The following RAI14 variants were observed in gnomAD, a reference collection of about 807,000 sequenced individuals.
The protein encoded by RAI14 is retinoic acid induced 14.
A neutral mutation model predicts 115.4 loss-of-function variants in RAI14; 45 were observed. That is an observed-to-expected ratio of 0.39 (90% confidence interval 0.31 to 0.50). RAI14 has a LOEUF of 0.50. RAI14 is among the 20% of genes least tolerant of loss of function. RAI14 has a pLI of 0.85. For synonymous variants in RAI14, 371 were observed against 415.4 expected (o/e 0.89, Z 1.30); for missense variants, 939 against 1,131.2 (o/e 0.83, Z 2.44).
chr5:34,678,160 C>T lies in RAI14; in HGVS notation c.-48-8712C>T, dbSNP rs541627078. On this transcript the variant is annotated intron_variant, in intron 1 of 17. Coordinates refer to ENST00000265109, the MANE Select transcript of RAI14 (RefSeq NM_015577.3). Reference sequence around the variant, plus strand: ...TCACCCTGCCTGGAGTGCAGTGGCACGATCTTGGCTCACCGCAACCTCCAC... The same window carrying T: ...TCACCCTGCCTGGAGTGCAGTGGCATGATCTTGGCTCACCGCAACCTCCAC... 7.9e-5 allele frequency among the ~76,000 whole-genome samples: 12 copies of T among 151,728 alleles called. No homozygotes were observed. In the East Asian group the frequency reaches 9.7e-4, roughly 12 times the overall value.
intron 2 of RAI14, among the ~76,000 whole-genome samples, chr5:34,746,937 G>T (rs139955175): frequency 0.015 from 2,248 of 152,104 alleles, 18 homozygotes; most frequent in Non-Finnish European, 0.025. Flanking sequence ...AGATCTAATG[G>T]GTTTATCAGG....
At chr5:34,727,454 A>T (rs1484091436) in intron 2 of RAI14, among the ~76,000 whole-genome samples, 1 of 152,218 alleles carries the variant, frequency 6.6e-6, no homozygotes, top group African/African-American at 2.4e-5. Context: ...CCGAATGTTA[A>T]TCACCAAGTC....
intron 1 of RAI14, chr5:34,656,710 T>C (rs991022100): frequency 6.6e-6 from 1 of 152,042 alleles, no homozygotes. Context: ...GAGATGAGGG[T>C]AGAGCGGGAA....
At chr5:34,764,185 T>C (rs1175720224) in intron 3 of RAI14, among the ~76,000 whole-genome samples, 2 of 152,150 alleles carry the variant, frequency 1.3e-5, no homozygotes, top group Non-Finnish European at 2.9e-5. Context: ...AATGACACCA[T>C]GGCCATGCTT....
chr5:34,786,082 G>T (rs1047512584), intron 3 of RAI14, among the ~76,000 whole-genome samples: 3 of 152,248 alleles, frequency 2.0e-5, no homozygotes, highest in African/African-American at 7.2e-5. Context: ...GCAGGGGACA[G>T]ACATTGTAAG....
At chr5:34,829,178 T>TACACACACACACATAC (rs144038064) in intron 16 of RAI14, among the ~76,000 whole-genome samples, 1 of 150,364 alleles carries the variant, frequency 6.7e-6, no homozygotes, top group African/African-American at 2.5e-5. Flanking sequence ...CACACACACA[T>TACACACACACACATAC]ACACACACAC....
At chr5:34,829,968 C>T (rs1411914054) in intron 17 of RAI14, 171 bp downstream of exon 17, 1 of 565,200 alleles carries the variant, frequency 1.8e-6, no homozygotes, top group Non-Finnish European at 3.1e-6. Flanking sequence ...TGTCAGGAGC[C>T]TTGTGCCCTG....
At chr5:34,717,448 G>A (rs186821032) in intron 2 of RAI14, among the ~76,000 whole-genome samples, 2 of 152,280 alleles carry the variant, frequency 1.3e-5, no homozygotes, top group East Asian at 1.9e-4. Context: ...GACCCTAACC[G>A]ACTTCATTAG....
At position 34,723,070 on chromosome 5, in the gene RAI14, A is replaced by C. The variant is rs182895126; in HGVS notation, c.37-34398A>C. ...AGCCAAGATTGCACCACTGCACTCC[A>C]GCCTGGGCGACAGAGTGAGACCCTG... is the stretch of plus-strand genomic sequence containing the variant. On this transcript the variant is annotated intron_variant, in intron 2 of 17. Coordinates refer to ENST00000265109, the MANE Select transcript of RAI14 (RefSeq NM_015577.3). Among the ~76,000 whole-genome samples the C allele has an allele frequency of 3.2e-3, 470 of 147,554 alleles. 3 individuals are homozygous for C. Among genetic ancestry groups the C allele is most frequent in the African/African-American group, 0.011 (448 of 39,508 alleles).
chr5:34,795,141 C>T (rs929603627), intron 3 of RAI14, among the ~76,000 whole-genome samples: 3 of 152,174 alleles, frequency 2.0e-5, no homozygotes, highest in Non-Finnish European at 4.4e-5. Context: ...CCCTTCATCC[C>T]GGGATCTGGA....
chr5:34,829,650 C>A, intron 16 of RAI14, 82 bp from the exon 17 acceptor site: 2 of 1,196,834 alleles, frequency 1.7e-6, no homozygotes, highest in Non-Finnish European at 2.4e-6. Flanking sequence ...TAGCATTTGG[C>A]TGCAGCTTTC....
intron 2 of RAI14, among the ~76,000 whole-genome samples, chr5:34,703,075 A>C (rs929039897): frequency 6.6e-6 from 1 of 152,350 alleles, no homozygotes; most frequent in East Asian, 1.9e-4. Context: ...TGTAACCCAG[A>C]TGTTGGGAGT....
chr5:34,720,820 A>G (rs1024794287), intron 2 of RAI14, among the ~76,000 whole-genome samples: 4 of 152,040 alleles, frequency 2.6e-5, no homozygotes, highest in African/African-American at 9.7e-5. Context: ...GGAAATCTGC[A>G]TGTGCTATTC....
At chr5:34,660,989 T>C (rs1742650080) in intron 1 of RAI14, among the ~76,000 whole-genome samples, 1 of 152,176 alleles carries the variant, frequency 6.6e-6, no homozygotes, top group African/African-American at 2.4e-5. Context: ...CAGTCCAGCC[T>C]GCAACCTCAT....
At position 34,795,850 on chromosome 5, in the gene RAI14, A is replaced by C; in HGVS notation, c.168-89A>C. On this transcript the variant is annotated intron_variant, in intron 3 of 17. Coordinates refer to ENST00000265109, the MANE Select transcript of RAI14 (RefSeq NM_015577.3). ...GCTCAAGGAAGAGAAAGTGTACATG[A>C]AATGGCGGGGGGCGGGGGGGAAACT... 3 of 916,194 alleles carry C rather than the reference A, an allele frequency of 3.3e-6. No individual in the cohort carries two copies. In the South Asian group the frequency reaches 4.5e-5, roughly 14 times the overall value. 56.8% of individuals were successfully genotyped at this position (916,194 alleles called of 1,614,324 possible). A position where few individuals can be genotyped will look rare whatever the true frequency, so the allele number is the denominator to read the frequency against.
At chr5:34,692,824 G>T (rs1738797752) in intron 2 of RAI14, among the ~76,000 whole-genome samples, 1 of 152,096 alleles carries the variant, frequency 6.6e-6, no homozygotes, top group Non-Finnish European at 1.5e-5. Flanking sequence ...ATAACAAAGG[G>T]TACCACAAAC....
rs750713269 is a variant in RAI14 at position 34,811,765 on chromosome 5, A to T, written c.558-2A>T. 4.4e-6 allele frequency: 7 copies of T among 1,607,520 alleles called. No individual in the cohort carries two copies. ...TAATTTTGTGTCTCTTTTTTCCTTT[A>T]GAACTGCTCTCATGCTGGCCTGTGA... On this transcript the variant is annotated splice_acceptor_variant, in intron 8 of 17. Coordinates refer to ENST00000265109, the MANE Select transcript of RAI14 (RefSeq NM_015577.3). LOFTEE classifies it high-confidence loss of function.
At chr5:34,809,508 G>A (rs1174879169) in intron 7 of RAI14, among the ~76,000 whole-genome samples, 2 of 151,722 alleles carry the variant, frequency 1.3e-5, no homozygotes. Context: ...TCCAAGAACA[G>A]TTTTTATATT....
At chr5:34,677,851 C>A (rs566373154) in intron 1 of RAI14, among the ~76,000 whole-genome samples, 3 of 152,118 alleles carry the variant, frequency 2.0e-5, no homozygotes, top group Non-Finnish European at 4.4e-5. Context: ...AAAAAGTAAT[C>A]GTGGTTTTTG....
Sources: gnomAD v4.1 joint callset for allele counts (sites outside exome capture counted in the v4.1 genomes callset) on GRCh38, gnomAD v4.1.1 for gene constraint, MANE v1.5 for transcripts, NCBI Gene and HGNC (gene_info 2026-07-23, HGNC 2026-07-21) for gene names.